Variants in IL1RAPL1 observed in about 807,000 individuals in gnomAD.
IL1RAPL1 encodes interleukin-1 receptor accessory protein-like 1.
Under a neutral mutation model 48.4 loss-of-function variants are expected in IL1RAPL1, and 3 were observed. That is an observed-to-expected ratio of 0.06 (90% CI 0.03 to 0.16). The LOEUF is 0.16. IL1RAPL1 is among the 10% of genes least tolerant of loss of function. The pLI is 1.00. For missense variants in IL1RAPL1, 349 were observed against 530.6 expected, an observed-to-expected ratio of 0.66 and a Z score of 3.36; for synonymous variants, 185 against 187.7, an observed-to-expected ratio of 0.99 and a Z score of 0.12.
At chrX:29,780,299 ATAAAT>A (rs1020943782) in intron 6 of IL1RAPL1, among the ~76,000 whole-genome samples, 3 of 112,413 alleles carry the variant, frequency 2.7e-5, no homozygotes, top group African/African-American at 9.7e-5. Context: ...TCTAATCTGC[ATAAAT>A]TAGACACTTT....
At chrX:29,062,705 A>C (rs757500278) in intron 2 of IL1RAPL1, among the ~76,000 whole-genome samples, 1 of 111,619 alleles carries the variant, frequency 9.0e-6, no homozygotes, top group Non-Finnish European at 1.9e-5. Flanking sequence ...TACATTTTGG[A>C]TGTTACTGCA....
intron 2 of IL1RAPL1, among the ~76,000 whole-genome samples, chrX:28,986,043 G>A (rs904886219): frequency 8.9e-6 from 1 of 111,957 alleles, no homozygotes; most frequent in Admixed American, 9.5e-5. Flanking sequence ...ATGCTAAGAA[G>A]GATAGACTCA....
intron 2 of IL1RAPL1, among the ~76,000 whole-genome samples, chrX:29,232,391 A>G (rs1185813607): frequency 8.9e-6 from 1 of 112,225 alleles, no homozygotes; most frequent in Non-Finnish European, 1.9e-5. Flanking sequence ...TGAATGTAAA[A>G]GAGATTTCAG....
chrX:29,666,171 G>A (rs141177202), intron 5 of IL1RAPL1, among the ~76,000 whole-genome samples: 1,143 of 110,744 alleles, frequency 0.01, 13 homozygotes, highest in African/African-American at 0.036. Context: ...ACAAAGCACC[G>A]TAAGGTATAA....
intron 1 of IL1RAPL1, among the ~76,000 whole-genome samples, chrX:28,673,377 CA>C (rs1398416318): frequency 9.0e-6 from 1 of 111,675 alleles, no homozygotes; most frequent in Non-Finnish European, 1.9e-5. Flanking sequence ...GTGTAAAACC[CA>C]AAACTATAAA....
In IL1RAPL1 at chrX:29,110,115, G is replaced by C. The variant is rs1180792372; in HGVS notation, c.83-172823G>C. ...ATTCTTCAAATATGAATTTAAGCCT[G>C]AACAACAACAACAAAAAGGTACTTA... is the stretch of plus-strand genomic sequence containing the variant. On this transcript the variant is annotated intron_variant, in intron 2 of 10. Transcript: ENST00000378993. Among the ~76,000 whole-genome samples, 8 of 111,590 alleles carry C rather than the reference G, an allele frequency of 7.2e-5. No individual in the cohort carries two copies. In the East Asian group the frequency reaches 2.0e-3, roughly 28 times the overall value.
chrX:28,780,333 A>ATG (rs1171085384), intron 1 of IL1RAPL1, among the ~76,000 whole-genome samples: 1,538 of 96,478 alleles, frequency 0.016, 19 homozygotes, highest in African/African-American at 0.031. Context: ...GTGTGTGTGT[A>ATG]TGTGTGTGTG....
intron 5 of IL1RAPL1, among the ~76,000 whole-genome samples, chrX:29,534,174 T>A (rs1921137331): frequency 1.8e-5 from 2 of 111,765 alleles, no homozygotes; most frequent in East Asian, 2.8e-4. Context: ...TGTGATATTC[T>A]GTAATAGCAA....
Position 29,798,494 on chromosome X carries a change from A to G in IL1RAPL1, c.779-118970A>G, listed in dbSNP as rs371461500. ...GCATCAACTCATAGAGAAGTACATTAAAGCAGTGTAATGTTCAAAACCAAG... is the reference window on the plus strand; with the variant it reads ...GCATCAACTCATAGAGAAGTACATTGAAGCAGTGTAATGTTCAAAACCAAG... On this transcript the variant is annotated intron_variant, in intron 6 of 10. Transcript: ENST00000378993. Among the ~76,000 whole-genome samples the G allele has an allele frequency of 5.4e-5, 6 of 112,140 alleles. No individual in the cohort carries two copies. The East Asian group carries it at 1.7e-3, about 31-fold the overall frequency.
intron 5 of IL1RAPL1, among the ~76,000 whole-genome samples, chrX:29,473,508 G>A (rs935236022): frequency 9.1e-6 from 1 of 110,409 alleles, no homozygotes; most frequent in Admixed American, 9.7e-5. Context: ...TTTTAAATGG[G>A]CCACAATCTT....
intron 2 of IL1RAPL1, among the ~76,000 whole-genome samples, chrX:29,210,960 C>G (rs1300380270): frequency 8.9e-6 from 1 of 112,181 alleles, no homozygotes; most frequent in African/African-American, 3.2e-5. Context: ...CATCTGTTGT[C>G]TTTCGTCATT....
intron 2 of IL1RAPL1, among the ~76,000 whole-genome samples, chrX:28,858,896 T>C (rs1921871293): frequency 8.9e-6 from 1 of 112,616 alleles, no homozygotes; most frequent in African/African-American, 3.2e-5. Flanking sequence ...TGTTGTCTGC[T>C]CCCTATGCCT....
chrX:29,123,320 C>T (rs1243777578), intron 2 of IL1RAPL1, among the ~76,000 whole-genome samples: 1 of 111,509 alleles, frequency 9.0e-6, no homozygotes, highest in East Asian at 2.8e-4. Context: ...GGCCCAATAG[C>T]ACATTTTAAA....
chrX:29,357,813 C>CTGA (rs1933325092), intron 3 of IL1RAPL1, among the ~76,000 whole-genome samples: 1 of 112,141 alleles, frequency 8.9e-6, no homozygotes, highest in Non-Finnish European at 1.9e-5. Context: ...GTATGTGACA[C>CTGA]AGGGGACTTC....
At chrX:28,955,054 T>C (rs1416304061) in intron 2 of IL1RAPL1, among the ~76,000 whole-genome samples, 1 of 112,099 alleles carries the variant, frequency 8.9e-6, no homozygotes, top group Admixed American at 9.5e-5. Context: ...CTTTAAATGT[T>C]TTATGCAGAA....
intron 2 of IL1RAPL1, among the ~76,000 whole-genome samples, chrX:29,101,664 G>A (rs1928340776): frequency 1.8e-5 from 2 of 112,074 alleles, no homozygotes; most frequent in Non-Finnish European, 3.8e-5. Context: ...AGCTGGGCGC[G>A]GTGGCTCATG....
rs186435024 is a variant in IL1RAPL1, at chrX:28,624,081, C to T, written c.-25+36034C>T. On this transcript the variant is annotated intron_variant, in intron 1 of 10. Transcript: ENST00000378993. ...TAGGGTCACATTTTTCAAATGTGCA[C>T]GTCAGTTGCTTCTCCTCCTTGCCTT... Among the ~76,000 whole-genome samples, 180 of 111,733 alleles carry T rather than the reference C, an allele frequency of 1.6e-3. 1 individual carries two copies. The highest frequency in any genetic ancestry group is 2.8e-3 in the Non-Finnish European group (150 of 53,134).
At chrX:29,399,436 A>T in intron 5 of IL1RAPL1, 128 bp downstream of exon 5, 1 of 544,063 alleles carries the variant, frequency 1.8e-6, no homozygotes, top group Non-Finnish European at 3.0e-6. Flanking sequence ...GGATTCCTAT[A>T]GGTGAAATTT....
intron 2 of IL1RAPL1, among the ~76,000 whole-genome samples, chrX:29,252,243 T>C (rs1404563156): frequency 9.2e-6 from 1 of 109,276 alleles, no homozygotes; most frequent in African/African-American, 3.5e-5. Flanking sequence ...TGTGCACATG[T>C]ACCCTAAAAC....
Sources: gnomAD v4.1 joint callset for allele counts (sites outside exome capture counted in the v4.1 genomes callset) on GRCh38, gnomAD v4.1.1 for gene constraint, MANE v1.5 for transcripts, NCBI Gene and HGNC (gene_info 2026-07-23, HGNC 2026-07-21) for gene names.